LGR6: variants seen among roughly 807,000 people sequenced by gnomAD.
The protein encoded by LGR6 is leucine-rich repeat-containing G protein-coupled receptor 6.
LGR6 carries 45 observed loss-of-function variants against 69.4 expected under a neutral mutation model. That is an observed-to-expected ratio of 0.65 (90% CI 0.51 to 0.83). The LOEUF is 0.83. Ranked by LOEUF, LGR6 falls within the 40% of genes least tolerant of loss-of-function variation. The pLI, the probability that LGR6 is intolerant of heterozygous loss-of-function variation, is 0.00. For synonymous variants in LGR6, 538 were observed against 555.0 expected, an observed-to-expected ratio of 0.97 and a Z score of 0.43; for missense variants, 1,108 against 1,246.7, an observed-to-expected ratio of 0.89 and a Z score of 1.68.
chr1:202,314,291 G>A (rs115798960), intron 16 of LGR6, among the ~76,000 whole-genome samples: 8 of 152,162 alleles, frequency 5.3e-5, no homozygotes, highest in Non-Finnish European at 8.8e-5. Context: ...GTTAAACACC[G>A]CCCAGTTGCT....
intron 7 of LGR6, 141 bp downstream of exon 7, chr1:202,297,717 C>A: frequency 1.5e-6 from 1 of 649,284 alleles, no homozygotes; most frequent in Non-Finnish European, 2.6e-6. Context: ...CCCTCCCGCC[C>A]CGGCTCCCCA....
chr1:202,204,654 C>T (rs1489796927), intron 1 of LGR6, among the ~76,000 whole-genome samples: 1 of 69,802 alleles, frequency 1.4e-5, no homozygotes. Flanking sequence ...CACACACACA[C>T]CTCCAAACAC....
chr1:202,218,597 G>A (rs1424233708), intron 1 of LGR6, among the ~76,000 whole-genome samples: 2 of 152,182 alleles, frequency 1.3e-5, no homozygotes, highest in African/African-American at 2.4e-5. Context: ...GCTCTGCAGC[G>A]AGTGGGACAG....
chr1:202,276,176 G>A (rs1571945875), intron 4 of LGR6, 130 bp from the exon 5 acceptor site: 1 of 682,322 alleles, frequency 1.5e-6, no homozygotes, highest in East Asian at 2.6e-5. Context: ...GATACATGGT[G>A]GCCAAGTCAC....
chr1:202,258,801 C>A (rs1663994613), intron 4 of LGR6, among the ~76,000 whole-genome samples: 1 of 151,702 alleles, frequency 6.6e-6, no homozygotes, highest in Non-Finnish European at 1.5e-5. Context: ...TTTCTGTTTC[C>A]TGTCTTATGC....
chr1:202,305,824 G>A (rs960144945), intron 12 of LGR6, 75 bp downstream of exon 12: 5 of 1,173,470 alleles, frequency 4.3e-6, no homozygotes, highest in Non-Finnish European at 6.4e-6. Flanking sequence ...GGTGTGATGG[G>A]GGGCATCAGT....
chr1:202,230,410 A>G (rs1660927521), intron 3 of LGR6, among the ~76,000 whole-genome samples: 1 of 152,158 alleles, frequency 6.6e-6, no homozygotes, highest in Non-Finnish European at 1.5e-5. Context: ...TCACATCGCT[A>G]TCTCTGTCCT....
At chr1:202,308,946 C>A in intron 14 of LGR6, 105 bp from the exon 15 acceptor site, 1 of 1,385,534 alleles carries the variant, frequency 7.2e-7, no homozygotes, top group African/African-American at 1.4e-5. Context: ...CTTTGCTCCT[C>A]TCCTCTTGCT....
chr1:202,296,196 G>T (rs1667148191), intron 6 of LGR6, among the ~76,000 whole-genome samples: 1 of 152,068 alleles, frequency 6.6e-6, no homozygotes, highest in African/African-American at 2.4e-5. Flanking sequence ...GTGGGCTGGG[G>T]TCATCCTGGG....
At chr1:202,241,385 G>A (rs987487660) in intron 4 of LGR6, among the ~76,000 whole-genome samples, 2 of 152,212 alleles carry the variant, frequency 1.3e-5, no homozygotes, top group African/African-American at 2.4e-5. Context: ...GTAGGTTTGT[G>A]TGAGTGAGGA....
At chr1:202,315,398 C>T (rs925694112) in intron 17 of LGR6, among the ~76,000 whole-genome samples, 1 of 152,220 alleles carries the variant, frequency 6.6e-6, no homozygotes, top group Non-Finnish European at 1.5e-5. Flanking sequence ...CACCATCTAA[C>T]GCTTATAGTT....
chr1:202,203,011 G>A (rs1031862032), intron 1 of LGR6, among the ~76,000 whole-genome samples: 2 of 152,118 alleles, frequency 1.3e-5, no homozygotes, highest in South Asian at 2.1e-4. Context: ...GGAGGGGGAG[G>A]AGCAGAGGAG....
chr1:202,295,811 G>A (rs1233329082), intron 6 of LGR6, among the ~76,000 whole-genome samples: 1 of 151,824 alleles, frequency 6.6e-6, no homozygotes, highest in South Asian at 2.1e-4. Context: ...AAAGCAGAAG[G>A]GATTTTCTAC....
chr1:202,263,025 T>A lies in LGR6; in HGVS notation c.429-13281T>A, dbSNP rs1558045474. On this transcript the variant is annotated intron_variant, in intron 4 of 17. Coordinates refer to ENST00000367278, the MANE Select transcript of LGR6 (RefSeq NM_001017403.2). ...TAGCTTTTTTTCTTTTCATGGATTT[T>A]TGTTCCTGTTTCAGAGAGGTCATGA... Among the ~76,000 whole-genome samples the A allele has an allele frequency of 2.0e-5, 3 of 152,112 alleles. 1 individual carries two copies. The highest frequency in any genetic ancestry group is 4.1e-4 in the South Asian group (2 of 4,822).
intron 1 of LGR6, chr1:202,197,352 C>T: frequency 1.9e-6 from 1 of 527,908 alleles, no homozygotes; most frequent in Non-Finnish European, 3.9e-6. Flanking sequence ...GGGCTCAATG[C>T]CAGCCCTGTT....
chr1:202,201,789 G>A (rs1377554076), intron 1 of LGR6, among the ~76,000 whole-genome samples: 1 of 152,196 alleles, frequency 6.6e-6, no homozygotes, highest in Non-Finnish European at 1.5e-5. Flanking sequence ...CCCATCTATG[G>A]GGGCTACTTG....
rs542147496 is a variant in LGR6, at chr1:202,245,794, C to T, written c.428+9801C>T. On this transcript the variant is annotated intron_variant, in intron 4 of 17. Transcript: ENST00000367278. ...GGCTTTCTCCTCAGCTCTCCTTCCTCTTGTATTATTGCCCCTTCCTGAGCA... is the reference window on the plus strand; with the variant it reads ...GGCTTTCTCCTCAGCTCTCCTTCCTTTTGTATTATTGCCCCTTCCTGAGCA... Among the ~76,000 whole-genome samples the T allele has an allele frequency of 1.5e-3, 232 of 152,208 alleles. 1 individual carries two copies. Among genetic ancestry groups the T allele is most frequent in the Non-Finnish European group, 2.7e-3 (183 of 67,980 alleles).
At chr1:202,302,134 G>A (rs943729118) in intron 9 of LGR6, among the ~76,000 whole-genome samples, 2 of 152,214 alleles carry the variant, frequency 1.3e-5, no homozygotes, top group Admixed American at 6.5e-5. Flanking sequence ...TGAGGTTGCA[G>A]TGAGCCAAGA....
In LGR6 at chr1:202,307,372, C is replaced by T. The variant is rs1223376958; in HGVS notation, c.1251C>T (p.Ala417=). ...WNAIRSIHPE[A]FSTLHSLVKL... is the part of the protein sequence containing the mutation. ...CCATCCGGTCCATCCACCCCGAGGC[C>T]TTCTCCACCCTGCACTCCCTGGTCA... Residue 417 remains alanine, a synonymous_variant, in exon 14 of 18, where the codon GCC becomes GCT. Transcript: ENST00000367278. The T allele has an allele frequency of 2.5e-6, 4 of 1,613,990 alleles. No individual in the cohort carries two copies. Among genetic ancestry groups the T allele is most frequent in the Non-Finnish European group, 3.4e-6 (4 of 1,179,984 alleles).
Sources: allele counts gnomAD v4.1 joint callset (sites outside exome capture counted in the v4.1 genomes callset), GRCh38; gene constraint gnomAD v4.1.1; transcripts MANE v1.5; gene names NCBI Gene and HGNC (gene_info 2026-07-23, HGNC 2026-07-21).